The following PRPS2 variants were observed in gnomAD, a reference collection of about 807,000 sequenced individuals.
PRPS2 encodes ribose-phosphate pyrophosphokinase 2.
For synonymous variants in PRPS2, 111 were observed against 115.3 expected, an observed-to-expected ratio of 0.96 and a Z score of 0.24; for missense variants, 104 against 271.5, an observed-to-expected ratio of 0.38 and a Z score of 4.34.
At chrX:12,822,429 G>A (rs900155854) in intron 6 of PRPS2, among the ~76,000 whole-genome samples, 3 of 112,073 alleles carry the variant, frequency 2.7e-5, no homozygotes, top group African/African-American at 6.5e-5. Context: ...CCCTGGAAAA[G>A]GATGTCTCTG....
At chrX:12,803,438 C>A (rs181535655) in intron 2 of PRPS2, among the ~76,000 whole-genome samples, 5 of 112,665 alleles carry the variant, frequency 4.4e-5, no homozygotes, top group Non-Finnish European at 9.4e-5. Flanking sequence ...CAGGTGCACA[C>A]CACCACGCCT....
At position 12,822,866 on chromosome X, in the gene PRPS2, C is replaced by CAA; in HGVS notation, c.*70_*71insAA. ...TTGTTTTTGTTTTCTGGATTTTTAG[C>CAA]TGTAGGTATTCAGCAATGATAGGTT... On this transcript the variant is annotated 3_prime_UTR_variant, in exon 7 of 7. Transcript: ENST00000380668. 2.3e-6 allele frequency: 2 copies of CAA among 871,466 alleles called. No individual in the cohort carries two copies. The highest frequency in any genetic ancestry group is 3.4e-6 in the Non-Finnish European group (2 of 595,355). The allele number at this position is 871,466 out of a possible 1,213,427, so 71.8% of individuals were successfully genotyped here.
At chrX:12,800,547 C>T (rs2042564237) in intron 2 of PRPS2, among the ~76,000 whole-genome samples, 1 of 111,133 alleles carries the variant, frequency 9.0e-6, no homozygotes, top group African/African-American at 3.3e-5. Flanking sequence ...TTGTGTGTTC[C>T]GTATCTTATG....
intron 4 of PRPS2, among the ~76,000 whole-genome samples, chrX:12,815,756 G>A (rs1241786977): frequency 1.8e-5 from 2 of 111,222 alleles, no homozygotes; most frequent in African/African-American, 3.3e-5. Context: ...CGATTCTCCC[G>A]CCTCAGCCTC....
intron 2 of PRPS2, among the ~76,000 whole-genome samples, chrX:12,808,294 G>GTGTGTA (rs1437005326): frequency 9.1e-6 from 1 of 110,253 alleles, no homozygotes; most frequent in Non-Finnish European, 1.9e-5. Flanking sequence ...TATACTGTGT[G>GTGTGTA]TGTGTGTGTG....
chrX:12,818,604 C>T (rs1157877256), intron 4 of PRPS2, among the ~76,000 whole-genome samples: 1 of 111,122 alleles, frequency 9.0e-6, no homozygotes. Flanking sequence ...GTTATATCCT[C>T]CATGTACTGC....
chrX:12,811,341 A>T (rs1337471102), intron 4 of PRPS2, among the ~76,000 whole-genome samples: 1 of 112,241 alleles, frequency 8.9e-6, no homozygotes, highest in Non-Finnish European at 1.9e-5. Context: ...AGAACGTGGT[A>T]CTAAGTAGCA....
intron 1 of PRPS2, among the ~76,000 whole-genome samples, chrX:12,798,712 T>TATC (rs2042555450): frequency 8.9e-6 from 1 of 111,803 alleles, no homozygotes; most frequent in Non-Finnish European, 1.9e-5. Flanking sequence ...GAGCTTACAT[T>TATC]TTGCAAGGGT....
chrX:12,810,109 T>G lies in PRPS2; in HGVS notation c.493T>G (p.Cys165Gly). 8.2e-7 allele frequency: 1 copy of G among 1,212,152 alleles called. No individual in the cohort carries two copies. The highest frequency in any genetic ancestry group is 1.1e-6 in the Non-Finnish European group (1 of 895,560). Reference protein sequence around the residue: ...IRENIAEWKNCIIVSPDAGGA... With the variant: ...IRENIAEWKNGIIVSPDAGGA... The stretch of plus-strand genomic sequence containing the variant: ...GGAAAACATTGCCGAGTGGAAGAAC[T>G]GTATCATTGTTTCACCTGACGCAGG... Residue 165 changes from cysteine (C) to glycine (G), a missense_variant, in exon 4 of 7, where the codon TGT (cysteine) becomes GGT (glycine). Physicochemically the swap from Cys to Gly is radical, Grantham distance 159 (BLOSUM62 -3). Coordinates refer to ENST00000380668, the MANE Select transcript of PRPS2 (RefSeq NM_002765.5).
chrX:12,804,411 G>A (rs1369941471), intron 2 of PRPS2, among the ~76,000 whole-genome samples: 2 of 111,052 alleles, frequency 1.8e-5, no homozygotes, highest in Non-Finnish European at 3.8e-5. Context: ...CAAAGTGCTG[G>A]GATTACAGGT....
chrX:12,799,513 AT>A (rs759078717), intron 2 of PRPS2, 123 bp downstream of exon 2: 1 of 766,482 alleles, frequency 1.3e-6, no homozygotes, highest in East Asian at 3.4e-5. Context: ...GATCAAGTAA[AT>A]ATGCTTTCTT....
chrX:12,819,370 A>G (rs141437279), intron 4 of PRPS2, 137 bp from the exon 5 acceptor site: 153,631 of 686,336 alleles, frequency 0.22, 13,851 homozygotes, highest in Non-Finnish European at 0.26. Context: ...GCCCCAGACC[A>G]TGCCTGGGCT....
intron 4 of PRPS2, 126 bp from the exon 5 acceptor site, chrX:12,819,381 G>A: frequency 1.2e-6 from 1 of 810,462 alleles, no homozygotes; most frequent in African/African-American, 2.0e-5. Flanking sequence ...TGCCTGGGCT[G>A]ATCAAGAGAG....
At chrX:12,791,640 C>G in intron 1 of PRPS2, 21 bp downstream of exon 1, 1 of 1,064,516 alleles carries the variant, frequency 9.4e-7, no homozygotes, top group South Asian at 2.7e-5. Context: ...CGCCGGCGGC[C>G]GGGCTAGGGA....
At chrX:12,809,881 A>T in intron 3 of PRPS2, 141 bp from the exon 4 acceptor site, 1 of 844,514 alleles carries the variant, frequency 1.2e-6, no homozygotes, top group Non-Finnish European at 1.6e-6. Flanking sequence ...GTTTAAAATT[A>T]ACAAAAGGGA....
intron 4 of PRPS2, among the ~76,000 whole-genome samples, chrX:12,817,361 C>T (rs2042652518): frequency 9.6e-5 from 10 of 103,700 alleles, no homozygotes; most frequent in Admixed American, 9.0e-4. Context: ...ATGGCATGTG[C>T]TTTGAAAAGA....
At chrX:12,819,420 T>G in intron 4 of PRPS2, 87 bp from the exon 5 acceptor site, 1 of 1,035,245 alleles carries the variant, frequency 9.7e-7, no homozygotes, top group Non-Finnish European at 1.3e-6. Flanking sequence ...CTCTCGGGTG[T>G]GGTTGCCTGC....
rs748027898 is a variant in PRPS2, at chrX:12,799,396, A to G, written c.306+6A>G. The G allele has an allele frequency of 1.1e-4, 135 of 1,204,125 alleles. 1 individual carries two copies. The highest frequency in any genetic ancestry group is 1.5e-4 in the Non-Finnish European group (134 of 891,774). ...GACAAGATAAAAAGGACAAGGTAGG[A>G]GAGGTGTGTGCCCTAGAAACCTGCT... On this transcript the variant is annotated splice_donor_region_variant and intron_variant, in intron 2 of 6. Transcript: ENST00000380668.
At chrX:12,818,842 A>T (rs913362352) in intron 4 of PRPS2, among the ~76,000 whole-genome samples, 11 of 111,041 alleles carry the variant, frequency 9.9e-5, no homozygotes, top group African/African-American at 3.6e-4. Flanking sequence ...TCCTGTTGGC[A>T]GCTCAGCTCC....
Sources: allele counts gnomAD v4.1 joint callset (sites outside exome capture counted in the v4.1 genomes callset), GRCh38; gene constraint gnomAD v4.1.1; transcripts MANE v1.5; gene names NCBI Gene and HGNC (gene_info 2026-07-23, HGNC 2026-07-21).